The following UMAD1 variants were observed in gnomAD, a reference collection of about 807,000 sequenced individuals.
UMAD1 encodes the protein UBAP1-MVB12-associated (UMA)-domain containing protein 1.
UMAD1 carries 8 observed loss-of-function variants against 6.1 expected under a neutral mutation model. That is an observed-to-expected ratio of 1.30 (90% CI 0.76 to 2.35). The LOEUF (loss-of-function observed/expected upper bound fraction) is 2.35, where lower values mean the gene tolerates loss of function less well. UMAD1 is among the 30% of genes most tolerant of loss of function. The probability of loss-of-function intolerance (pLI) is 0.00; values close to 1 mark genes in which losing one functional copy is unlikely to be tolerated. For synonymous variants in UMAD1, 56 were observed against 31.4 expected (o/e 1.78, Z -2.61); for missense variants, 130 against 78.4 (o/e 1.66, Z -2.49).
chr7:7,675,239 G>T (rs1227557553), intron 2 of UMAD1, among the ~76,000 whole-genome samples: 1 of 152,184 alleles, frequency 6.6e-6, no homozygotes, highest in Non-Finnish European at 1.5e-5. Context: ...GAGGCTGTAA[G>T]TTGGGTGTAC....
intron 2 of UMAD1, among the ~76,000 whole-genome samples, chr7:7,708,374 T>C (rs1780658196): frequency 6.6e-6 from 1 of 152,194 alleles, no homozygotes; most frequent in Non-Finnish European, 1.5e-5. Flanking sequence ...TTTAGTTTTG[T>C]AGAGAGATAT....
intron 2 of UMAD1, among the ~76,000 whole-genome samples, chr7:7,716,093 G>C (rs921857339): frequency 1.2e-4 from 18 of 152,110 alleles, no homozygotes; most frequent in Admixed American, 3.9e-4. Flanking sequence ...TATGGATGCA[G>C]AAAGCAAACA....
At position 7,796,244 on chromosome 7, in the gene UMAD1, C is replaced by CTTTTTTTTTTTTTTT. The variant is rs59221325; in HGVS notation, c.83-5416_83-5402dup. ...ACTTTGACCCATTTCTATTTTCTTTCTTTTTTTTTTTTTTTTTTTTTTTTG... is the reference window on the plus strand; with the variant it reads ...ACTTTGACCCATTTCTATTTTCTTTCTTTTTTTTTTTTTTTTTTTTTTTTTTTTTTTTTTTTTTTG... On this transcript the variant is annotated intron_variant, in intron 2 of 3. Transcript: ENST00000682710. Among the ~76,000 whole-genome samples, 145 of 63,934 alleles carry CTTTTTTTTTTTTTTT rather than the reference C, an allele frequency of 2.3e-3. 15 individuals carry two copies. The highest frequency in any genetic ancestry group is 0.011 in the African/African-American group (113 of 10,242). 41.9% of individuals were successfully genotyped at this position (63,934 alleles called of 152,430 possible).
chr7:7,846,979 C>T (rs1371729392), intron 3 of UMAD1, among the ~76,000 whole-genome samples: 4 of 133,856 alleles, frequency 3.0e-5, no homozygotes, highest in South Asian at 2.5e-4. Context: ...GTGGGTGCAG[C>T]GCACCAGCAT....
intron 2 of UMAD1, among the ~76,000 whole-genome samples, chr7:7,703,443 A>G (rs529511442): frequency 6.6e-6 from 1 of 152,308 alleles, no homozygotes; most frequent in East Asian, 1.9e-4. Flanking sequence ...TTTCTTATTT[A>G]TTAAATAAAA....
intron 2 of UMAD1, among the ~76,000 whole-genome samples, chr7:7,741,578 A>AAATAATAATAATAAT (rs201307561): frequency 5.7e-4 from 80 of 139,392 alleles, no homozygotes; most frequent in Admixed American, 9.2e-4. Flanking sequence ...CAACGTCTCA[A>AAATAATAATAATAAT]AATAATAATA....
At chr7:7,655,752 CTT>C (rs964692728) in intron 1 of UMAD1, among the ~76,000 whole-genome samples, 1 of 151,968 alleles carries the variant, frequency 6.6e-6, no homozygotes, top group African/African-American at 2.4e-5. Context: ...AGGACAGGCT[CTT>C]TTTTATGTAT....
At chr7:7,653,505 C>CA (rs28916268) in intron 1 of UMAD1, among the ~76,000 whole-genome samples, 4,603 of 152,050 alleles carry the variant, frequency 0.03, 83 homozygotes, top group African/African-American at 0.055. Flanking sequence ...TATAGCATTA[C>CA]AAAAAAAACC....
chr7:7,806,826 C>T (rs982404904), intron 3 of UMAD1, among the ~76,000 whole-genome samples: 3 of 152,200 alleles, frequency 2.0e-5, no homozygotes, highest in East Asian at 1.9e-4. Context: ...AATGACTAAG[C>T]AATGTTGAAA....
chr7:7,769,105 A>C, intron 2 of UMAD1, among the ~76,000 whole-genome samples: 1 of 152,166 alleles, frequency 6.6e-6, no homozygotes, highest in East Asian at 1.9e-4. Context: ...TCTGTCCAGA[A>C]ATTTAGCTTT....
chr7:7,804,881 T>C (rs1782877848), intron 3 of UMAD1, among the ~76,000 whole-genome samples: 1 of 151,978 alleles, frequency 6.6e-6, no homozygotes, highest in Admixed American at 6.6e-5. Context: ...CTTGGGAGGC[T>C]GAGGCAGGAG....
intron 3 of UMAD1, among the ~76,000 whole-genome samples, chr7:7,839,480 G>A (rs1412817475): frequency 6.6e-6 from 1 of 152,122 alleles, no homozygotes; most frequent in African/African-American, 2.4e-5. Flanking sequence ...CACCAAACCC[G>A]GCCAGATGAA....
chr7:7,739,254 A>T (rs1781415897), intron 2 of UMAD1, among the ~76,000 whole-genome samples: 2 of 152,206 alleles, frequency 1.3e-5, no homozygotes, highest in African/African-American at 4.8e-5. Flanking sequence ...ATCAGCAGGC[A>T]TTTGAGGTTT....
chr7:7,722,504 A>G (rs771941633), intron 2 of UMAD1, among the ~76,000 whole-genome samples: 9 of 152,164 alleles, frequency 5.9e-5, no homozygotes, highest in Non-Finnish European at 4.4e-5. Context: ...GTGACTCTGT[A>G]CATAATACCT....
intron 3 of UMAD1, among the ~76,000 whole-genome samples, chr7:7,870,675 T>G (rs1451557016): frequency 6.6e-6 from 1 of 152,198 alleles, no homozygotes; most frequent in Non-Finnish European, 1.5e-5. Context: ...GTCCTTGAAT[T>G]TTGACTCACA....
At chr7:7,748,006 G>A (rs1428761148) in intron 2 of UMAD1, among the ~76,000 whole-genome samples, 2 of 151,794 alleles carry the variant, frequency 1.3e-5, no homozygotes, top group South Asian at 2.1e-4. Flanking sequence ...GCGTGATCTC[G>A]GCTCACTGCA....
In UMAD1 at chr7:7,752,455, T is replaced by C. The variant is rs541959997; in HGVS notation, c.83-49215T>C. Among the ~76,000 whole-genome samples the C allele has an allele frequency of 3.9e-5, 6 of 152,090 alleles. 1 individual carries two copies. The highest frequency in any genetic ancestry group is 8.8e-5 in the Non-Finnish European group (6 of 67,980). On this transcript the variant is annotated intron_variant, in intron 2 of 3. Transcript: ENST00000682710. ...ATGAGTATCTTCAGGTCAAAGAGTA[T>C]ATATATTAGTTGCCACATATGAAAC...
intron 2 of UMAD1, among the ~76,000 whole-genome samples, chr7:7,800,225 T>C (rs1428509294): frequency 2.0e-5 from 3 of 152,230 alleles, no homozygotes; most frequent in Admixed American, 2.0e-4. Context: ...AGTTCACTAA[T>C]TTATTCATCT....
At position 7,664,529 on chromosome 7, in the gene UMAD1, T is replaced by A. The variant is rs1196857243; in HGVS notation, c.-63-8780T>A. Among the ~76,000 whole-genome samples the A allele has an allele frequency of 2.6e-5, 4 of 152,234 alleles. No homozygotes were observed. In the East Asian group the frequency reaches 7.7e-4, roughly 29 times the overall value. ...TTTTGCAGTCTTGATTTCTGTTGCT[T>A]ATCTACATGGTTCCTTCCTCTAGTG... On this transcript the variant is annotated intron_variant, in intron 1 of 3. Transcript: ENST00000682710.
Sources: allele counts gnomAD v4.1 joint callset (sites outside exome capture counted in the v4.1 genomes callset), GRCh38; gene constraint gnomAD v4.1.1; transcripts MANE v1.5; gene names NCBI Gene and HGNC (gene_info 2026-07-23, HGNC 2026-07-21).